Variants in IQSEC3 observed in about 807,000 individuals in gnomAD.
The protein encoded by IQSEC3 is IQ motif and Sec7 domain ArfGEF 3, also known as IQ motif and SEC7 domain-containing protein 3.
IQSEC3 carries 50 observed loss-of-function variants against 105.4 expected under a neutral mutation model. The ratio of observed to expected loss-of-function variants is 0.47; its 90% CI spans 0.38 to 0.60. The LOEUF (loss-of-function observed/expected upper bound fraction) is 0.60, where lower values mean the gene tolerates loss of function less well. IQSEC3 is among the 20% of genes least tolerant of loss of function. IQSEC3 has a pLI of 0.00. For missense variants in IQSEC3, 1,415 were observed against 1,630.0 expected (o/e 0.87, Z 2.27); for synonymous variants, 708 against 746.0 (o/e 0.95, Z 0.83).
At chr12:125,138 G>T in intron 2 of IQSEC3, among the ~76,000 whole-genome samples, 1 of 152,156 alleles carries the variant, frequency 6.6e-6, no homozygotes. Context: ...TGCCCAAGGA[G>T]CCGGGCCACC....
At chr12:124,319 G>T (rs1865311238) in intron 2 of IQSEC3, among the ~76,000 whole-genome samples, 1 of 150,512 alleles carries the variant, frequency 6.6e-6, no homozygotes. Flanking sequence ...AATCCAGGAG[G>T]TGGAGGTTGC....
At chr12:130,904 A>G (rs1295746606) in intron 3 of IQSEC3, among the ~76,000 whole-genome samples, 2 of 151,638 alleles carry the variant, frequency 1.3e-5, no homozygotes, top group Non-Finnish European at 2.9e-5. Context: ...CTGGAGGCTC[A>G]CAACATGCTG....
chr12:157,180 G>T (rs1866719349), intron 6 of IQSEC3, 33 bp downstream of exon 6: 3 of 1,507,210 alleles, frequency 2.0e-6, no homozygotes, highest in African/African-American at 2.8e-5. Context: ...CTCCCCAACA[G>T]ACCCCAGCGT....
At chr12:162,264 C>T (rs1426168873) in intron 8 of IQSEC3, among the ~76,000 whole-genome samples, 199 bp downstream of exon 8, 3 of 151,962 alleles carry the variant, frequency 2.0e-5, no homozygotes, top group South Asian at 2.1e-4. Context: ...TCTTGCCACC[C>T]GATACTGCAG....
Position 175,273 on chromosome 12 carries a change from C to T in IQSEC3, c.*240C>T, listed in dbSNP as rs993723518. On this transcript the variant is annotated 3_prime_UTR_variant, in exon 14 of 14. Coordinates refer to ENST00000538872, the MANE Select transcript of IQSEC3 (RefSeq NM_001170738.2). ...CTCACTCTCCCAGGGCCCTACACAG[C>T]CAGACCCGGCGAGGCCTCCTCTTCC... 3.0e-5 allele frequency: 14 copies of T among 462,682 alleles called. No homozygotes were observed. Among genetic ancestry groups the T allele is most frequent in the African/African-American group, 2.6e-4 (13 of 50,686 alleles). 28.7% of individuals were successfully genotyped at this position (462,682 alleles called of 1,614,324 possible).
At chr12:170,461 G>A (rs1938923535) in intron 12 of IQSEC3, among the ~76,000 whole-genome samples, 1 of 152,242 alleles carries the variant, frequency 6.6e-6, no homozygotes, top group Non-Finnish European at 1.5e-5. Flanking sequence ...AGAGGGCTGA[G>A]CACAGCAGGG....
chr12:170,711 C>T (rs1451971040), intron 12 of IQSEC3, among the ~76,000 whole-genome samples: 2 of 152,222 alleles, frequency 1.3e-5, no homozygotes, highest in African/African-American at 4.8e-5. Flanking sequence ...CAGTCCTGCC[C>T]CCTCAGCCAG....
intron 3 of IQSEC3, among the ~76,000 whole-genome samples, chr12:135,491 C>A (rs1865733538): frequency 6.6e-6 from 1 of 152,220 alleles, no homozygotes; most frequent in East Asian, 1.9e-4. Flanking sequence ...AGATGGCCCC[C>A]AAGTCCCCTT....
chr12:88,241 C>T (rs2136898337), intron 1 of IQSEC3, among the ~76,000 whole-genome samples: 1 of 152,314 alleles, frequency 6.6e-6, no homozygotes, highest in Non-Finnish European at 1.5e-5. Flanking sequence ...CTCCATTCTC[C>T]TCTTAACCTT....
intron 3 of IQSEC3, among the ~76,000 whole-genome samples, chr12:137,825 ATT>A (rs35452141): frequency 3.6e-5 from 5 of 139,154 alleles, no homozygotes; most frequent in Non-Finnish European, 3.1e-5. Context: ...CACCCAGTTA[ATT>A]TTTTTTTTTT....
chr12:153,755 C>T (rs1866588629), intron 5 of IQSEC3, among the ~76,000 whole-genome samples: 1 of 152,142 alleles, frequency 6.6e-6, no homozygotes. Context: ...CCCCGATAGC[C>T]AGGTGGGGAC....
intron 1 of IQSEC3, among the ~76,000 whole-genome samples, chr12:81,086 G>A (rs1214843568): frequency 6.6e-6 from 1 of 152,188 alleles, no homozygotes; most frequent in Admixed American, 6.5e-5. Context: ...GGAGCATTTG[G>A]AATGTGTGGG....
chr12:144,536 G>A (rs558734654), intron 5 of IQSEC3: 1 of 152,368 alleles, frequency 6.6e-6, no homozygotes, highest in African/African-American at 2.4e-5. Context: ...GAAAGCCTCT[G>A]AGAGGGGAAG....
At chr12:88,961 T>C (rs1864000557) in intron 1 of IQSEC3, among the ~76,000 whole-genome samples, 1 of 152,216 alleles carries the variant, frequency 6.6e-6, no homozygotes. Context: ...CAAGGTAGTT[T>C]CATATTCAAG....
chr12:89,242 C>A (rs140971848), intron 1 of IQSEC3, among the ~76,000 whole-genome samples: 13 of 152,240 alleles, frequency 8.5e-5, no homozygotes, highest in Non-Finnish European at 1.8e-4. Flanking sequence ...AGTGATGAAC[C>A]ATCTAGTCTC....
chr12:170,657 C>T (rs894779443), intron 12 of IQSEC3, among the ~76,000 whole-genome samples: 4 of 152,248 alleles, frequency 2.6e-5, no homozygotes, highest in African/African-American at 4.8e-5. Context: ...CGGCTCTCAC[C>T]GTGCCCGGCA....
chr12:73,760 G>T (rs1333909379), intron 1 of IQSEC3, among the ~76,000 whole-genome samples: 2 of 152,256 alleles, frequency 1.3e-5, no homozygotes, highest in African/African-American at 4.8e-5. Context: ...TGACAGACTA[G>T]AATGCAGGCT....
chr12:168,863 G>A (rs1326605544), intron 11 of IQSEC3, 150 bp from the exon 12 acceptor site: 2 of 690,478 alleles, frequency 2.9e-6, no homozygotes, highest in East Asian at 2.5e-5. Flanking sequence ...CTATTCAGTG[G>A]TGGGGCCAGA....
rs140181236 is a variant in IQSEC3 at position 109,833 on chromosome 12, T to C, written c.623+10619T>C. On this transcript the variant is annotated intron_variant, in intron 2 of 13. Transcript: ENST00000538872. ...TCTTTGATCTGTCTTTTCCAGTCTC[T>C]TGCTCTCGCTCGTTTTCTTTTTCTA... Among the ~76,000 whole-genome samples the C allele has an allele frequency of 2.5e-3, 385 of 152,342 alleles. 6 individuals are homozygous for C. The East Asian group carries it at 0.044, about 17-fold the overall frequency.
Sources: gnomAD v4.1 joint callset for allele counts (sites outside exome capture counted in the v4.1 genomes callset) on GRCh38, gnomAD v4.1.1 for gene constraint, MANE v1.5 for transcripts, NCBI Gene and HGNC (gene_info 2026-07-23, HGNC 2026-07-21) for gene names.